Variants in DPYD observed in about 807,000 individuals in gnomAD.
DPYD encodes dihydropyrimidine dehydrogenase [NADP(+)].
In DPYD, 109 loss-of-function variants were observed where a neutral mutation model predicts 116.2. The ratio of observed to expected loss-of-function variants is 0.94; its 90% CI spans 0.80 to 1.10. The LOEUF (loss-of-function observed/expected upper bound fraction) is 1.10. Ranked by LOEUF, DPYD falls within the 50% of genes least tolerant of loss-of-function variation. The pLI is 0.00. For synonymous variants in DPYD, 440 were observed against 432.0 expected (o/e 1.02, Z -0.23); for missense variants, 1,302 against 1,254.5 (o/e 1.04, Z -0.57).
At chr1:97,203,793 CAAAA>C (rs56819543) in intron 19 of DPYD, among the ~76,000 whole-genome samples, 30 of 65,712 alleles carry the variant, frequency 4.6e-4, no homozygotes, top group South Asian at 1.9e-3. Flanking sequence ...ATTCACATTC[CAAAA>C]AAAAAAAAAA....
At chr1:97,671,671 T>C (rs1347190929) in intron 8 of DPYD, among the ~76,000 whole-genome samples, 2 of 152,102 alleles carry the variant, frequency 1.3e-5, no homozygotes, top group African/African-American at 4.8e-5. Context: ...AAAAACTTTA[T>C]TGATGTTGTA....
intron 13 of DPYD, 91 bp downstream of exon 13, chr1:97,515,635 T>C (rs1368688481): frequency 1.1e-5 from 13 of 1,141,664 alleles, no homozygotes; most frequent in South Asian, 1.4e-5. Flanking sequence ...ATAAGTAGTA[T>C]TTCTTAGTAA....
chr1:97,211,351 C>T (rs544863570), intron 19 of DPYD, among the ~76,000 whole-genome samples: 2 of 152,168 alleles, frequency 1.3e-5, no homozygotes, highest in East Asian at 3.9e-4. Context: ...CACTATCACA[C>T]AGTCTAATTT....
intron 8 of DPYD, among the ~76,000 whole-genome samples, chr1:97,631,881 A>G (rs1028916245): frequency 1.3e-5 from 2 of 152,066 alleles, no homozygotes; most frequent in African/African-American, 4.8e-5. Flanking sequence ...TATGGATGAC[A>G]CAGTTATAGT....
rs190692147 is a variant in DPYD at position 97,650,950 on chromosome 1, C to T, written c.850+28145G>A. On this transcript the variant is annotated intron_variant, in intron 8 of 22. Coordinates refer to ENST00000370192, the MANE Select transcript of DPYD (RefSeq NM_000110.4). ...ATTTGTCATATAACATGTCACCTAA[C>T]TAAAAATTGTTCAATCATAAAATGA... Among the ~76,000 whole-genome samples the T allele has an allele frequency of 4.0e-3, 609 of 152,132 alleles. 6 individuals are homozygous for T. Among genetic ancestry groups the T allele is most frequent in the African/African-American group, 0.014 (587 of 41,528 alleles).
intron 20 of DPYD, among the ~76,000 whole-genome samples, chr1:97,188,119 T>C (rs1658121921): frequency 6.6e-6 from 1 of 152,186 alleles, no homozygotes. Context: ...ATGTATCTGG[T>C]CATATGGATA....
At chr1:97,587,807 G>C (rs1654238643) in intron 10 of DPYD, among the ~76,000 whole-genome samples, 1 of 137,224 alleles carries the variant, frequency 7.3e-6, no homozygotes, top group African/African-American at 2.8e-5. Flanking sequence ...CTAGGTGACA[G>C]AGCAAGACTC....
At chr1:97,290,087 C>G (rs1366387791) in intron 18 of DPYD, among the ~76,000 whole-genome samples, 1 of 152,126 alleles carries the variant, frequency 6.6e-6, no homozygotes, top group Non-Finnish European at 1.5e-5. Flanking sequence ...CTACCATTCA[C>G]AATTGCTTCA....
chr1:97,401,549 G>A (rs1357554913), intron 14 of DPYD, among the ~76,000 whole-genome samples: 1 of 152,068 alleles, frequency 6.6e-6, no homozygotes, highest in Non-Finnish European at 1.5e-5. Context: ...CCTGACCTCA[G>A]GTGATCTATC....
At chr1:97,863,624 T>C (rs1253952819) in intron 2 of DPYD, among the ~76,000 whole-genome samples, 5 of 151,888 alleles carry the variant, frequency 3.3e-5, no homozygotes, top group African/African-American at 1.2e-4. Context: ...CACAAATCAG[T>C]TAAATTCTGC....
intron 14 of DPYD, among the ~76,000 whole-genome samples, chr1:97,409,364 T>C (rs942052404): frequency 6.6e-5 from 10 of 152,124 alleles, no homozygotes; most frequent in Non-Finnish European, 1.3e-4. Context: ...TCTTAGGCAA[T>C]GTATGGTAAG....
chr1:97,749,156 G>C (rs975584347), intron 3 of DPYD, among the ~76,000 whole-genome samples: 1 of 152,092 alleles, frequency 6.6e-6, no homozygotes, highest in Non-Finnish European at 1.5e-5. Context: ...TATTTCTCAT[G>C]TTCCAGGGTA....
chr1:97,509,645 G>A (rs150138950), intron 13 of DPYD, among the ~76,000 whole-genome samples: 84 of 151,986 alleles, frequency 5.5e-4, no homozygotes, highest in African/African-American at 1.9e-3. Context: ...AGGGACCTAG[G>A]ACACACTGGG....
In DPYD at chr1:97,444,361, T is replaced by A. The variant is rs150332081; in HGVS notation, c.1905+5698A>T. 7.2e-5 allele frequency among the ~76,000 whole-genome samples: 11 copies of A among 152,220 alleles called. No homozygotes were observed. The East Asian group carries it at 2.1e-3, about 29-fold the overall frequency. ...GTTACCCAAGACAGTCAATGCAATA[T>A]CTCTAAATGTCAGTTTCATCATATG... is the stretch of plus-strand genomic sequence containing the variant. On this transcript the variant is annotated intron_variant, in intron 14 of 22. Coordinates refer to ENST00000370192, the MANE Select transcript of DPYD (RefSeq NM_000110.4).
chr1:97,474,978 C>A (rs183735512), intron 13 of DPYD, among the ~76,000 whole-genome samples: 86 of 151,962 alleles, frequency 5.7e-4, no homozygotes, highest in South Asian at 1.0e-3. Context: ...AAAAGAAGAA[C>A]ACAGGTCAAT....
chr1:97,741,395 G>C (rs1664264800), intron 3 of DPYD, among the ~76,000 whole-genome samples: 1 of 152,116 alleles, frequency 6.6e-6, no homozygotes, highest in Non-Finnish European at 1.5e-5. Flanking sequence ...AACCACCTGG[G>C]AAGCTTGATA....
chr1:97,824,313 T>C (rs1233876686), intron 3 of DPYD, among the ~76,000 whole-genome samples: 3 of 152,230 alleles, frequency 2.0e-5, no homozygotes, highest in African/African-American at 7.2e-5. Context: ...CTATGTGTGA[T>C]GTGTGTGAAC....
At chr1:97,751,386 ATG>A (rs1221467541) in intron 3 of DPYD, among the ~76,000 whole-genome samples, 1 of 143,000 alleles carries the variant, frequency 7.0e-6, no homozygotes, top group African/African-American at 2.6e-5. Flanking sequence ...ATATACATAT[ATG>A]TGTGTATATA....
At chr1:97,484,509 T>C (rs1238835212) in intron 13 of DPYD, among the ~76,000 whole-genome samples, 3 of 152,328 alleles carry the variant, frequency 2.0e-5, no homozygotes, top group Middle Eastern at 3.4e-3. Context: ...TCTTATTTCA[T>C]TGTGCCTTTG....
Sources: allele counts gnomAD v4.1 joint callset (sites outside exome capture counted in the v4.1 genomes callset), GRCh38; gene constraint gnomAD v4.1.1; transcripts MANE v1.5; gene names NCBI Gene and HGNC (gene_info 2026-07-23, HGNC 2026-07-21).